Variants in BACH2 observed in about 807,000 individuals in gnomAD.
BACH2 encodes the protein transcription regulator protein BACH2.
A neutral mutation model predicts 61.8 loss-of-function variants in BACH2; 5 were observed. The ratio of observed to expected loss-of-function variants is 0.08; its 90% CI spans 0.04 to 0.17. BACH2 has a LOEUF of 0.17. Among genes scored for constraint, BACH2 ranks in the 10% least tolerant of loss-of-function variants. The pLI is 1.00. For missense variants in BACH2, 824 were observed against 1,091.1 expected, an observed-to-expected ratio of 0.76 and a Z score of 3.45; for synonymous variants, 446 against 440.1, an observed-to-expected ratio of 1.01 and a Z score of -0.17.
chr6:90,055,520 G>C (rs552754401), intron 5 of BACH2, among the ~76,000 whole-genome samples: 16 of 152,228 alleles, frequency 1.1e-4, no homozygotes, highest in Non-Finnish European at 2.1e-4. Flanking sequence ...AAGTGACGGG[G>C]AGAATGGAAC....
intron 5 of BACH2, among the ~76,000 whole-genome samples, chr6:90,056,179 A>G (rs1452431870): frequency 1.3e-5 from 2 of 152,220 alleles, no homozygotes; most frequent in African/African-American, 2.4e-5. Flanking sequence ...AGACTGGCAA[A>G]TTGGATAAAG....
At chr6:90,214,155 C>T (rs537505174) in intron 3 of BACH2, among the ~76,000 whole-genome samples, 2 of 152,152 alleles carry the variant, frequency 1.3e-5, no homozygotes, top group Admixed American at 6.5e-5. Flanking sequence ...CAATAGTGCA[C>T]GTCACTGCAA....
chr6:90,031,569 CAGAG>C (rs375722970), intron 5 of BACH2, among the ~76,000 whole-genome samples: 9 of 152,224 alleles, frequency 5.9e-5, no homozygotes, highest in Admixed American at 3.3e-4. Flanking sequence ...AACAGACAAA[CAGAG>C]AGCCAAATCA....
intron 4 of BACH2, among the ~76,000 whole-genome samples, chr6:90,118,057 TG>T (rs1339731146): frequency 2.6e-5 from 4 of 152,316 alleles, no homozygotes; most frequent in Non-Finnish European, 5.9e-5. Flanking sequence ...TTCATTTATG[TG>T]GCTATGTTAA....
chr6:90,281,784 C>T (rs1771866569), intron 1 of BACH2, among the ~76,000 whole-genome samples: 1 of 151,986 alleles, frequency 6.6e-6, no homozygotes, highest in African/African-American at 2.4e-5. Context: ...CAGTCATTCT[C>T]CTAAGCATGT....
rs186665236 is a variant in BACH2 at position 90,222,916 on chromosome 6, C to T, written c.-274-16235G>A. The stretch of plus-strand genomic sequence containing the variant: ...CCTGCTCTCAAACAGTCCTTCCTGC[C>T]GAAACTACTCAACCCGCCACTCTGG... On this transcript the variant is annotated intron_variant, in intron 3 of 8. Coordinates refer to ENST00000257749, the MANE Select transcript of BACH2 (RefSeq NM_021813.4). Among the ~76,000 whole-genome samples, 272 of 151,990 alleles carry T rather than the reference C, an allele frequency of 1.8e-3. 2 individuals carry two copies. The Middle Eastern group carries it at 0.031, about 17-fold the overall frequency.
At chr6:90,101,792 G>T (rs1562444788) in intron 4 of BACH2, among the ~76,000 whole-genome samples, 2 of 152,082 alleles carry the variant, frequency 1.3e-5, no homozygotes, top group African/African-American at 2.4e-5. Flanking sequence ...TATGAACATT[G>T]GATGTCTTTC....
At chr6:90,244,646 G>A (rs895097292) in intron 3 of BACH2, among the ~76,000 whole-genome samples, 1 of 151,724 alleles carries the variant, frequency 6.6e-6, no homozygotes, top group African/African-American at 2.4e-5. Flanking sequence ...ACAAATACTC[G>A]TGTACATGTG....
intron 4 of BACH2, among the ~76,000 whole-genome samples, chr6:90,130,680 C>G (rs984138147): frequency 1.3e-5 from 2 of 152,194 alleles, no homozygotes; most frequent in Non-Finnish European, 2.9e-5. Context: ...TTGTGAACAG[C>G]TGGTACAGGC....
chr6:89,947,806 T>C (rs911887441), intron 7 of BACH2, among the ~76,000 whole-genome samples: 7 of 152,026 alleles, frequency 4.6e-5, no homozygotes, highest in Middle Eastern at 3.4e-3. Flanking sequence ...CTCCCGACCT[T>C]GTGATTCGCC....
intron 6 of BACH2, among the ~76,000 whole-genome samples, chr6:89,978,681 G>A (rs1043939363): frequency 6.9e-5 from 10 of 145,308 alleles, no homozygotes; most frequent in Non-Finnish European, 1.5e-4. Context: ...CAGAACATTA[G>A]CTTAAGACTT....
At chr6:90,236,832 C>T (rs1770273740) in intron 3 of BACH2, among the ~76,000 whole-genome samples, 1 of 152,114 alleles carries the variant, frequency 6.6e-6, no homozygotes, top group African/African-American at 2.4e-5. Flanking sequence ...ACTGAGACTA[C>T]AAATTAAAAT....
intron 2 of BACH2, among the ~76,000 whole-genome samples, chr6:90,254,109 T>A (rs1297269613): frequency 6.6e-6 from 1 of 151,344 alleles, no homozygotes; most frequent in Non-Finnish European, 1.5e-5. Context: ...AAAAGAATGA[T>A]CTCCAGGGCC....
chr6:90,144,859 G>T (rs944397313), intron 4 of BACH2, among the ~76,000 whole-genome samples: 1 of 152,150 alleles, frequency 6.6e-6, no homozygotes, highest in Non-Finnish European at 1.5e-5. Context: ...GCGATCATCC[G>T]TGATTGTAAA....
chr6:90,166,379 G>T (rs987215884), intron 4 of BACH2, among the ~76,000 whole-genome samples: 1 of 152,110 alleles, frequency 6.6e-6, no homozygotes, highest in African/African-American at 2.4e-5. Context: ...CAGTTAGAAT[G>T]GCAATCATTA....
chr6:89,982,366 G>A (rs1776003709), intron 6 of BACH2, among the ~76,000 whole-genome samples: 1 of 152,116 alleles, frequency 6.6e-6, no homozygotes, highest in African/African-American at 2.4e-5. Context: ...AAAGGGCAGA[G>A]ATGGGATGGA....
At chr6:90,077,009 T>A (rs1228274451) in intron 5 of BACH2, among the ~76,000 whole-genome samples, 3 of 152,118 alleles carry the variant, frequency 2.0e-5, no homozygotes, top group Non-Finnish European at 4.4e-5. Context: ...TTAAAATACA[T>A]CATTAGAGAA....
intron 5 of BACH2, among the ~76,000 whole-genome samples, chr6:90,032,613 T>C (rs1247512064): frequency 7.3e-5 from 11 of 151,546 alleles, no homozygotes; most frequent in African/African-American, 2.7e-4. Flanking sequence ...AAAATGCTCA[T>C]CATCACTGGC....
At chr6:90,225,066 T>TAAC (rs749374458) in intron 3 of BACH2, among the ~76,000 whole-genome samples, 10,354 of 151,366 alleles carry the variant, frequency 0.068, 691 homozygotes, top group African/African-American at 0.17. Context: ...AAATACATCA[T>TAAC]AACAACAACA....
Sources: gnomAD v4.1 joint callset for allele counts (sites outside exome capture counted in the v4.1 genomes callset) on GRCh38, gnomAD v4.1.1 for gene constraint, MANE v1.5 for transcripts, NCBI Gene and HGNC (gene_info 2026-07-23, HGNC 2026-07-21) for gene names.